The following TMEM69 variants were observed in gnomAD, a reference collection of about 807,000 sequenced individuals.
TMEM69 encodes transmembrane protein 69.
A neutral mutation model predicts 15.8 loss-of-function variants in TMEM69; 17 were observed. The observed-to-expected ratio is 1.07, with a 90% CI of 0.73 to 1.61. TMEM69 has a LOEUF of 1.61. Among genes scored for constraint, TMEM69 ranks in the 40% most tolerant of loss-of-function variants. The pLI, the probability that TMEM69 is intolerant of heterozygous loss-of-function variation, is 0.00. For synonymous variants in TMEM69, 80 were observed against 98.6 expected, an observed-to-expected ratio of 0.81 and a Z score of 1.12; for missense variants, 230 against 286.1, an observed-to-expected ratio of 0.80 and a Z score of 1.41.
chr1:45,689,656 G>A (rs986766771), intron 1 of TMEM69, among the ~76,000 whole-genome samples: 3 of 152,116 alleles, frequency 2.0e-5, no homozygotes, highest in African/African-American at 7.2e-5. Context: ...TCCTAACATG[G>A]TGAAACTCCG....
chr1:45,688,500 A>G (rs1462969916), intron 1 of TMEM69, among the ~76,000 whole-genome samples: 2 of 152,066 alleles, frequency 1.3e-5, no homozygotes, highest in African/African-American at 4.8e-5. Context: ...TTTTTCATTT[A>G]TATTAGGAGG....
At position 45,693,903 on chromosome 1, in the gene TMEM69, T is replaced by C; in HGVS notation, c.742T>C (p.Ter248GlnextTer3). ...AGGACATAAGAGACCTGGTCAAGTA[T>C]AAAAAATATAAAAGTCTGGGAAGTG... ...EKGHKRPGQV[*>Q] The change falls in exon 3 of 3, where the codon TAA becomes CAA. Residue 248 changes from the stop codon to glutamine (Q), a stop_lost. Transcript: ENST00000372025. The C allele has an allele frequency of 1.9e-6, 3 of 1,574,484 alleles. No individual in the cohort carries two copies. The highest frequency in any genetic ancestry group is 2.6e-6 in the Non-Finnish European group (3 of 1,162,240).
At position 45,691,201 on chromosome 1, in the gene TMEM69, T is replaced by A. The variant is rs1645342752; in HGVS notation, c.42+91T>A. 4 of 1,087,750 alleles carry A rather than the reference T, an allele frequency of 3.7e-6. No homozygotes were observed. The Admixed American group carries it at 7.7e-5, about 21-fold the overall frequency. 67.4% of individuals were successfully genotyped at this position (1,087,750 alleles called of 1,614,324 possible). ...GTGAAAAAGACAAAAATCCTTACCC[T>A]TGTATATTCAGGTGATGGAGGGAAG... On this transcript the variant is annotated intron_variant, in intron 2 of 2. Transcript: ENST00000372025.
At chr1:45,690,832 TC>T in intron 1 of TMEM69, 141 bp from the exon 2 acceptor site, 1 of 558,680 alleles carries the variant, frequency 1.8e-6, no homozygotes, top group South Asian at 2.2e-5. Context: ...ACTAAAAGGA[TC>T]TATTTTGTTA....
At chr1:45,689,288 A>C (rs1379143395) in intron 1 of TMEM69, among the ~76,000 whole-genome samples, 1 of 152,150 alleles carries the variant, frequency 6.6e-6, no homozygotes, top group African/African-American at 2.4e-5. Context: ...AAATTGTCAG[A>C]TCTAGATCCA....
chr1:45,690,156 A>G (rs556694680), intron 1 of TMEM69, among the ~76,000 whole-genome samples: 1 of 152,210 alleles, frequency 6.6e-6, no homozygotes, highest in Non-Finnish European at 1.5e-5. Context: ...CTGCACTCCA[A>G]CAGGCTATTC....
Position 45,693,759 on chromosome 1 carries a change from G to T in TMEM69, c.598G>T (p.Glu200Ter). ...GGGTATGGGAGTAGCATTCCACCTT[G>T]AACTTTTTCTCTTACCACATTATCC... is the stretch of plus-strand genomic sequence containing the variant. ...IMGMGVAFHLELFLLPHYPNW... is the reference protein window; with the variant it reads ...IMGMGVAFHL Residue 200 changes from glutamate (E) to a stop codon, truncating the protein, a stop_gained, in exon 3 of 3, where the codon GAA (glutamate) becomes TAA (stop). Coordinates refer to ENST00000372025, the MANE Select transcript of TMEM69 (RefSeq NM_016486.4). LOFTEE classifies it high-confidence loss of function. 6.2e-7 allele frequency: 1 copy of T among 1,614,140 alleles called. No individual in the cohort carries two copies. Among genetic ancestry groups the T allele is most frequent in the South Asian group, 1.1e-5 (1 of 91,062 alleles).
Position 45,693,679 on chromosome 1 carries a change from G to A in TMEM69, c.518G>A (p.Trp173Ter). 6.2e-7 allele frequency: 1 copy of A among 1,613,994 alleles called. No homozygotes were observed. Among genetic ancestry groups the A allele is most frequent in the Non-Finnish European group, 8.5e-7 (1 of 1,180,004 alleles). ...AGTGCAGCTCCTCTTTTCTTTTCAT[G>A]GTTTGCCTTCCTTATTTCTGAAAGA... is the stretch of plus-strand genomic sequence containing the variant. Reference protein sequence around the residue: ...ASSAAPLFFSWFAFLISERLS... With the variant: ...ASSAAPLFFS Residue 173 changes from tryptophan (W) to a stop codon, truncating the protein, a stop_gained, in exon 3 of 3, where the codon TGG becomes TAG. Transcript: ENST00000372025. LOFTEE classifies it high-confidence loss of function.
Position 45,693,472 on chromosome 1 carries a change from G to T in TMEM69, c.311G>T (p.Gly104Val), listed in dbSNP as rs1397812741. Residue 104 changes from glycine (G) to valine (V), a missense_variant, in exon 3 of 3, where the codon GGA (glycine) becomes GTA (valine). Transcript: ENST00000372025. ...CCAGCATTATGTGTAACTCTGGCAGGACTAATCCCCTTCGTTGCTCCACCA... is the reference window on the plus strand; with the variant it reads ...CCAGCATTATGTGTAACTCTGGCAGTACTAATCCCCTTCGTTGCTCCACCA... ...PKPALCVTLAGLIPFVAPPLV... is the reference protein window; with the variant it reads ...PKPALCVTLAVLIPFVAPPLV... The T allele has an allele frequency of 4.3e-6, 7 of 1,614,138 alleles. No individual in the cohort carries two copies. The highest frequency in any genetic ancestry group is 2.2e-5 in the East Asian group (1 of 44,880).
intron 2 of TMEM69, among the ~76,000 whole-genome samples, chr1:45,692,379 T>A (rs1339044009): frequency 2.0e-5 from 3 of 152,162 alleles, no homozygotes; most frequent in Non-Finnish European, 4.4e-5. Context: ...TAACTTCAAT[T>A]TTTTCTTTAA....
rs1320292857 is a variant in TMEM69 at position 45,694,315 on chromosome 1, G to A, written c.*410G>A. 1 of 661,086 alleles carries A rather than the reference G, an allele frequency of 1.5e-6. No homozygotes were observed. Among genetic ancestry groups the A allele is most frequent in the African/African-American group, 1.9e-5 (1 of 53,410 alleles). 41.0% of individuals were successfully genotyped at this position (661,086 alleles called of 1,614,324 possible). ...CTTGAGCAAAAGCTTGAAAATCCCT[G>A]ACAAGTACTTTTCATCTCATAGTAT... On this transcript the variant is annotated 3_prime_UTR_variant, in exon 3 of 3. Coordinates refer to ENST00000372025, the MANE Select transcript of TMEM69 (RefSeq NM_016486.4).
chr1:45,693,895 G>A lies in TMEM69; in HGVS notation c.734G>A (p.Gly245Asp), dbSNP rs1459281543. Residue 245 changes from glycine to aspartate, a missense_variant, in exon 3 of 3, where the codon GGT becomes GAT. By Grantham distance (94) the Gly-to-Asp change is moderately conservative. Transcript: ENST00000372025. ...CCAGAAAAAGGACATAAGAGACCTG[G>A]TCAAGTATAAAAAATATAAAAGTCT... Reference protein sequence around the residue: ...SFPEKGHKRPGQV With the variant: ...SFPEKGHKRPDQV 1 of 1,589,792 alleles carries A rather than the reference G, an allele frequency of 6.3e-7. No individual in the cohort carries two copies. Among genetic ancestry groups the A allele is most frequent in the Admixed American group, 1.8e-5 (1 of 56,294 alleles).
At chr1:45,691,807 C>T (rs907383076) in intron 2 of TMEM69, among the ~76,000 whole-genome samples, 15 of 88,582 alleles carry the variant, frequency 1.7e-4, no homozygotes, top group African/African-American at 5.7e-4. Flanking sequence ...TGCCACTGCA[C>T]TCTGGCTTGG....
intron 2 of TMEM69, among the ~76,000 whole-genome samples, chr1:45,691,469 GGA>G (rs1226842067): frequency 6.6e-6 from 1 of 152,094 alleles, no homozygotes; most frequent in East Asian, 1.9e-4. Context: ...CTTGAGCCCA[GGA>G]GGTTGAGGCT....
Position 45,691,083 on chromosome 1 carries a change from C to G in TMEM69, c.15C>G (p.Ile5Met). The G allele has an allele frequency of 2.5e-6, 4 of 1,614,144 alleles. No homozygotes were observed. The highest frequency in any genetic ancestry group is 8.5e-7 in the Non-Finnish European group (1 of 1,180,002). Residue 5 changes from isoleucine (I) to methionine (M), a missense_variant, in exon 2 of 3, where the codon ATC (isoleucine) becomes ATG (methionine). By Grantham distance (10) the Ile-to-Met change is conservative. Transcript: ENST00000372025. MLRF[I>M]QKFSQASSKI... is the part of the protein sequence containing the mutation. The stretch of plus-strand genomic sequence containing the variant: ...TAGGGGCCAGTATGCTTCGCTTCAT[C>G]CAGAAGTTTTCTCAAGCATCTTCAA...
At chr1:45,690,489 A>C (rs890326736) in intron 1 of TMEM69, among the ~76,000 whole-genome samples, 1 of 152,214 alleles carries the variant, frequency 6.6e-6, no homozygotes, top group African/African-American at 2.4e-5. Context: ...GCGACACAGC[A>C]AGACTCTTGT....
At chr1:45,690,948 TA>T (rs1330728020) in intron 1 of TMEM69, 25 bp from the exon 2 acceptor site, 29 of 992,840 alleles carry the variant, frequency 2.9e-5, no homozygotes, top group Non-Finnish European at 4.3e-5. Flanking sequence ...TGAGGAAAAT[TA>T]AGTGACACCT....
chr1:45,691,717 C>T (rs933020234), intron 2 of TMEM69, among the ~76,000 whole-genome samples: 1 of 151,052 alleles, frequency 6.6e-6, no homozygotes, highest in Non-Finnish European at 1.5e-5. Flanking sequence ...GGTAGGCGCC[C>T]GTAGTCCCAG....
chr1:45,691,184 G>T, intron 2 of TMEM69, 74 bp downstream of exon 2: 1 of 1,328,744 alleles, frequency 7.5e-7, no homozygotes, highest in South Asian at 1.2e-5. Context: ...CAGTGAAAAA[G>T]ACAAAAATCC....
Sources: gnomAD v4.1 joint callset for allele counts (sites outside exome capture counted in the v4.1 genomes callset) on GRCh38, gnomAD v4.1.1 for gene constraint, MANE v1.5 for transcripts, NCBI Gene and HGNC (gene_info 2026-07-23, HGNC 2026-07-21) for gene names.